SECISBP2: variants seen among roughly 807,000 people sequenced by gnomAD.
The protein encoded by SECISBP2 is selenocysteine insertion sequence-binding protein 2.
SECISBP2 carries 96 observed loss-of-function variants against 98.2 expected under a neutral mutation model. The ratio of observed to expected loss-of-function variants is 0.98; its 90% CI spans 0.83 to 1.16. The LOEUF is 1.16. Among genes scored for constraint, SECISBP2 ranks in the 50% most tolerant of loss-of-function variants. The pLI is 0.00. For missense variants in SECISBP2, 1,046 were observed against 1,022.9 expected, an observed-to-expected ratio of 1.02 and a Z score of -0.31; for synonymous variants, 407 against 370.2, an observed-to-expected ratio of 1.10 and a Z score of -1.14.
rs1825090401 is a variant in SECISBP2 at position 89,318,550 on chromosome 9, G to T, written c.-27G>T. 2.6e-6 allele frequency: 4 copies of T among 1,510,294 alleles called. No individual in the cohort carries two copies. Among genetic ancestry groups the T allele is most frequent in the Non-Finnish European group, 3.5e-6 (4 of 1,135,132 alleles). The allele number at this position is 1,510,294 out of a possible 1,614,324, so 93.6% of individuals were successfully genotyped here. A position where few individuals can be genotyped will look rare whatever the true frequency, so the allele number is the denominator to read the frequency against. ...CCGACGGCCCGCTGCTGGCCTCCGT[G>T]ACGCGGCCTCCTCCGCGCCTCGCGG... On this transcript the variant is annotated 5_prime_UTR_variant, in exon 1 of 17. Coordinates refer to ENST00000375807, the MANE Select transcript of SECISBP2 (RefSeq NM_024077.5).
At chr9:89,343,873 G>C (rs190639414) in intron 10 of SECISBP2, among the ~76,000 whole-genome samples, 1 of 152,142 alleles carries the variant, frequency 6.6e-6, no homozygotes, top group Non-Finnish European at 1.5e-5. Flanking sequence ...GGGATTGCTG[G>C]GTCAAATGGT....
rs931010042 is a variant in SECISBP2 at position 89,326,036 on chromosome 9, C to T, written c.572C>T (p.Ser191Leu). The change falls in exon 4 of 17, where the codon TCA (serine) becomes TTA (leucine). Residue 191 changes from serine to leucine, a missense_variant and splice_region_variant. Transcript: ENST00000375807. The part of the protein sequence containing the change: ...LSIYAENSLK[S>L]DGYHKRTDRK... ...ATTTACGCTGAGAATAGTTTGAAATCAGGTAAAAATAACCAACAATGTAGT... is the reference window on the plus strand; with the variant it reads ...ATTTACGCTGAGAATAGTTTGAAATTAGGTAAAAATAACCAACAATGTAGT... 1 of 1,612,412 alleles carries T rather than the reference C, an allele frequency of 6.2e-7. No homozygotes were observed. The highest frequency in any genetic ancestry group is 8.5e-7 in the Non-Finnish European group (1 of 1,179,980).
At chr9:89,324,038 T>C (rs1030771086) in intron 2 of SECISBP2, 1 of 152,238 alleles carries the variant, frequency 6.6e-6, no homozygotes, top group African/African-American at 2.4e-5. Flanking sequence ...TGTCTGTTCA[T>C]TTATCTATTT....
At chr9:89,362,861 A>G (rs528729433), downstream of SECISBP2, among the ~76,000 whole-genome samples, 15 of 152,322 alleles carry the variant, frequency 9.8e-5, 1 homozygote, top group East Asian at 2.9e-3. Context: ...TGCCTTCTGT[A>G]TCGGCTATTT....
intron 4 of SECISBP2, among the ~76,000 whole-genome samples, chr9:89,326,887 C>T (rs1232034314): frequency 2.0e-5 from 3 of 152,116 alleles, no homozygotes; most frequent in African/African-American, 7.2e-5. Context: ...AGAAAAGGTA[C>T]AGCGGTGGCT....
chr9:89,337,399 A>G (rs189795457), intron 7 of SECISBP2, among the ~76,000 whole-genome samples: 4 of 152,268 alleles, frequency 2.6e-5, no homozygotes, highest in African/African-American at 9.6e-5. Context: ...CACTTCAGTG[A>G]TCTACTTATG....
intron 8 of SECISBP2, 25 bp downstream of exon 8, chr9:89,338,605 T>C (rs771011961): frequency 1.2e-6 from 2 of 1,607,112 alleles, no homozygotes; most frequent in Non-Finnish European, 1.7e-6. Flanking sequence ...TTTATTCACA[T>C]GGTGTGATAT....
At chr9:89,364,589 C>T (rs919722682), downstream of SECISBP2, 2 of 159,614 alleles carry the variant, frequency 1.3e-5, no homozygotes, top group Non-Finnish European at 2.8e-5. Flanking sequence ...CAGCCTTGAG[C>T]ATGGACTCTG....
Position 89,348,218 on chromosome 9 carries a change from C to G in SECISBP2, c.1738+4C>G, listed in dbSNP as rs1830722861. On this transcript the variant is annotated splice_donor_region_variant and intron_variant, in intron 12 of 16. Transcript: ENST00000375807. The stretch of plus-strand genomic sequence containing the variant: ...CCCGAGCAGGCAGAGCTGTCAGGTA[C>G]CAACTTCTCTTTGTGCCTTAAGAAT... 6.2e-7 allele frequency: 1 copy of G among 1,614,090 alleles called. No individual in the cohort carries two copies. The highest frequency in any genetic ancestry group is 8.5e-7 in the Non-Finnish European group (1 of 1,179,998).
intron 11 of SECISBP2, among the ~76,000 whole-genome samples, chr9:89,347,541 C>T (rs140432783): frequency 5.0e-4 from 72 of 144,690 alleles, no homozygotes; most frequent in African/African-American, 1.6e-3. Flanking sequence ...AGAGCGATCT[C>T]GGCTCACTGC....
At chr9:89,347,902 C>A (rs1296930328) in intron 11 of SECISBP2, among the ~76,000 whole-genome samples, 177 bp from the exon 12 acceptor site, 1 of 152,114 alleles carries the variant, frequency 6.6e-6, no homozygotes, top group Non-Finnish European at 1.5e-5. Context: ...ACGTGCCCCT[C>A]CAAAACCAGC....
Position 89,349,866 on chromosome 9 carries a change from A to G in SECISBP2, c.1829A>G (p.Glu610Gly), listed in dbSNP as rs929721815. 76 of 1,614,138 alleles carry G rather than the reference A, an allele frequency of 4.7e-5. No individual in the cohort carries two copies. The highest frequency in any genetic ancestry group is 6.2e-5 in the Non-Finnish European group (73 of 1,180,048). Residue 610 changes from glutamate (E) to glycine (G), a missense_variant, in exon 13 of 17, where the codon GAG becomes GGG. By Grantham distance (98) the Glu-to-Gly change is moderately conservative. Coordinates refer to ENST00000375807, the MANE Select transcript of SECISBP2 (RefSeq NM_024077.5). Reference protein sequence around the residue: ...PPGTELQRDTEASHLAPNHTT... With the variant: ...PPGTELQRDTGASHLAPNHTT... ...GGCACAGAGCTCCAGAGGGACACAGAGGCCTCCCACCTTGCTCCCAATCAC... is the reference window on the plus strand; with the variant it reads ...GGCACAGAGCTCCAGAGGGACACAGGGGCCTCCCACCTTGCTCCCAATCAC...
At chr9:89,329,006 A>T in intron 5 of SECISBP2, 120 bp downstream of exon 5, 1 of 823,404 alleles carries the variant, frequency 1.2e-6, no homozygotes, top group Non-Finnish European at 2.0e-6. Context: ...GGGAGGATGT[A>T]TTGGGGGAAG....
chr9:89,360,093 T>C (rs1034126591), downstream of SECISBP2, among the ~76,000 whole-genome samples: 4 of 152,190 alleles, frequency 2.6e-5, no homozygotes, highest in African/African-American at 4.8e-5. Flanking sequence ...GAAGGCACCG[T>C]CTGCCCTGTC....
At chr9:89,351,067 A>G (rs1258593456) in intron 14 of SECISBP2, among the ~76,000 whole-genome samples, 1 of 152,208 alleles carries the variant, frequency 6.6e-6, no homozygotes, top group African/African-American at 2.4e-5. Flanking sequence ...GTGATCCTGC[A>G]CGCTGGGAGG....
rs1182805343 is a variant in SECISBP2 at position 89,357,434 on chromosome 9, A to G, written c.2137A>G (p.Thr713Ala). The G allele has an allele frequency of 6.2e-7, 1 of 1,614,194 alleles. No homozygotes were observed. Among genetic ancestry groups the G allele is most frequent in the South Asian group, 1.1e-5 (1 of 91,088 alleles). ...SKGGLDDTLH[T>A]IIDYACEQNI... is the part of the protein sequence containing the mutation. ...AGGTGGGCTGGATGACACTTTGCAC[A>G]CAATTATTGATTATGCCTGTGAGCA... The change falls in exon 15 of 17, where the codon ACA becomes GCA. Residue 713 changes from threonine (T) to alanine (A), a missense_variant. Coordinates refer to ENST00000375807, the MANE Select transcript of SECISBP2 (RefSeq NM_024077.5).
the SECISBP2 span, chr9:89,364,703 A>G: frequency 6.5e-6 from 1 of 152,736 alleles, no homozygotes; most frequent in Non-Finnish European, 1.5e-5. Flanking sequence ...TACTTCACAC[A>G]CACTCAGACC....
At chr9:89,338,651 A>G in intron 8 of SECISBP2, 71 bp downstream of exon 8, 1 of 1,503,584 alleles carries the variant, frequency 6.7e-7, no homozygotes, top group Non-Finnish European at 9.1e-7. Flanking sequence ...ACTTGGGTTC[A>G]TATTGGTTTC....
At chr9:89,352,862 C>A (rs1831495570) in intron 14 of SECISBP2, among the ~76,000 whole-genome samples, 1 of 149,160 alleles carries the variant, frequency 6.7e-6, no homozygotes, top group Non-Finnish European at 1.5e-5. Context: ...AATCACGTTG[C>A]TGCTGCCTCA....
Sources: gnomAD v4.1 joint callset for allele counts (sites outside exome capture counted in the v4.1 genomes callset) on GRCh38, gnomAD v4.1.1 for gene constraint, MANE v1.5 for transcripts, NCBI Gene and HGNC (gene_info 2026-07-23, HGNC 2026-07-21) for gene names.